Variants in DOCK7 observed in about 807,000 individuals in gnomAD.
DOCK7 encodes dedicator of cytokinesis protein 7.
In DOCK7, 138 loss-of-function variants were observed where a neutral mutation model predicts 271.0. That is an observed-to-expected ratio of 0.51 (90% CI 0.44 to 0.59). The LOEUF is 0.59. Ranked by LOEUF, DOCK7 falls within the 20% of genes least tolerant of loss-of-function variation. DOCK7 has a pLI of 0.00. For synonymous variants in DOCK7, 823 were observed against 876.1 expected (o/e 0.94, Z 1.07); for missense variants, 2,066 against 2,592.4 (o/e 0.80, Z 4.41).
At chr1:62,584,688 G>T in intron 15 of DOCK7, 1 of 1,304,978 alleles carries the variant, frequency 7.7e-7, no homozygotes, top group Non-Finnish European at 1.0e-6. Context: ...CCAAAAATGT[G>T]ACAGGAGTCA....
chr1:62,572,434 G>A (rs575205114), intron 18 of DOCK7, among the ~76,000 whole-genome samples: 2 of 152,240 alleles, frequency 1.3e-5, no homozygotes, highest in South Asian at 2.1e-4. Context: ...TCATTTTACA[G>A]ATGAAAAAAC....
chr1:62,668,326 A>G (rs536139794), intron 1 of DOCK7, among the ~76,000 whole-genome samples: 1 of 152,336 alleles, frequency 6.6e-6, no homozygotes, highest in Non-Finnish European at 1.5e-5. Context: ...AAAAGACTTA[A>G]GACTAAAAGG....
intron 20 of DOCK7, among the ~76,000 whole-genome samples, chr1:62,557,568 A>C (rs559222634): frequency 6.8e-5 from 10 of 146,960 alleles, no homozygotes; most frequent in Middle Eastern, 3.4e-3. Flanking sequence ...CTTCACTTAG[A>C]CTAAAATTAC....
intron 12 of DOCK7, among the ~76,000 whole-genome samples, chr1:62,623,134 A>T (rs1004940348): frequency 3.9e-5 from 6 of 152,196 alleles, no homozygotes; most frequent in African/African-American, 1.4e-4. Context: ...GTAGACAGTA[A>T]TCGCTCATAA....
intron 2 of DOCK7, among the ~76,000 whole-genome samples, chr1:62,659,187 C>G (rs373830849): frequency 6.6e-6 from 1 of 152,150 alleles, no homozygotes; most frequent in African/African-American, 2.4e-5. Flanking sequence ...AATAGACTTT[C>G]CTTTTCCTCT....
At position 62,648,257 on chromosome 1, in the gene DOCK7, C is replaced by T; in HGVS notation, c.581G>A (p.Ser194Asn). The T allele has an allele frequency of 6.2e-7, 1 of 1,613,612 alleles. No homozygotes were observed. The highest frequency in any genetic ancestry group is 8.5e-7 in the Non-Finnish European group (1 of 1,179,696). The change falls in exon 6 of 50, where the codon AGT (serine) becomes AAT (asparagine). Residue 194 changes from serine to asparagine, a missense_variant. Physicochemically the swap from Ser to Asn is conservative, Grantham distance 46. This residue lies in a region of DOCK7 where 1,414 missense variants were observed against 1,670.4 expected (regional missense o/e 0.85). Coordinates refer to ENST00000635253, the MANE Select transcript of DOCK7 (RefSeq NM_001367561.1). The stretch of plus-strand genomic sequence containing the variant: ...AAGTGAATTTTTCAAGTCAAAGATA[C>T]TACAGGCCCAGCTACCCCTTGGGGT... ...DDTPRGSWACSIFDLKNSLPD... is the reference protein window; with the variant it reads ...DDTPRGSWACNIFDLKNSLPD...
At chr1:62,475,092 A>G (rs1358802185) in intron 47 of DOCK7, 116 bp downstream of exon 47, 1 of 1,169,040 alleles carries the variant, frequency 8.6e-7, no homozygotes, top group Admixed American at 3.3e-5. Flanking sequence ...GTAGAAAAAT[A>G]CAGGCAGTAG....
At chr1:62,648,000 G>A in intron 6 of DOCK7, 106 bp downstream of exon 6, 1 of 1,049,008 alleles carries the variant, frequency 9.5e-7, no homozygotes, top group African/African-American at 1.6e-5. Context: ...AATTACAGCT[G>A]TTTCAGTTGC....
intron 18 of DOCK7, among the ~76,000 whole-genome samples, chr1:62,565,008 G>A (rs912027218): frequency 7.9e-5 from 12 of 152,076 alleles, no homozygotes; most frequent in Non-Finnish European, 1.2e-4. Flanking sequence ...GGAAGAAGTC[G>A]AATCCCTGAA....
chr1:62,661,702 T>C (rs1022830453), intron 2 of DOCK7, among the ~76,000 whole-genome samples: 11 of 152,136 alleles, frequency 7.2e-5, no homozygotes, highest in Non-Finnish European at 1.3e-4. Flanking sequence ...GGAAGGACAA[T>C]TGGAGTCAGG....
Position 62,625,305 on chromosome 1 carries a change from G to A in DOCK7, c.1379C>T (p.Thr460Met), listed in dbSNP as rs374152490. The change falls in exon 12 of 50, where the codon ACG (threonine) becomes ATG (methionine). Residue 460 changes from threonine to methionine, a missense_variant. By Grantham distance (81) the Thr-to-Met change is moderately conservative. Around this residue, in one of 2 missense-constraint regions of DOCK7, gnomAD observed 1,414 missense variants for 1,670.4 expected, o/e 0.85. Coordinates refer to ENST00000635253, the MANE Select transcript of DOCK7 (RefSeq NM_001367561.1). ...TGTGAGAGTAGCTGGTCGAAAGCTC[G>A]TCAAGTTACAAGCATCATCTCCACT... ...TTSGDDACNL[T>M]SFRPATLTVT... 44 of 1,613,782 alleles carry A rather than the reference G, an allele frequency of 2.7e-5. No individual in the cohort carries two copies. The highest frequency in any genetic ancestry group is 1.8e-4 in the Admixed American group (11 of 59,986).
chr1:62,540,772 C>A (rs1300329884), intron 25 of DOCK7, among the ~76,000 whole-genome samples: 1 of 152,054 alleles, frequency 6.6e-6, no homozygotes, highest in Non-Finnish European at 1.5e-5. Flanking sequence ...AGAGCACAGC[C>A]AAGTTTTAAA....
At chr1:62,497,773 T>G (rs879365478) in intron 37 of DOCK7, among the ~76,000 whole-genome samples, 2 of 152,200 alleles carry the variant, frequency 1.3e-5, no homozygotes, top group Non-Finnish European at 2.9e-5. Flanking sequence ...GTTCCTCCTC[T>G]CCTTAAAATG....
intron 43 of DOCK7, chr1:62,478,080 C>A: frequency 2.8e-6 from 1 of 354,784 alleles, no homozygotes; most frequent in Non-Finnish European, 5.0e-6. Flanking sequence ...GGAGTTTGTA[C>A]GAAGTGCCTC....
At chr1:62,531,221 T>C (rs1056507769) in intron 29 of DOCK7, among the ~76,000 whole-genome samples, 2 of 152,204 alleles carry the variant, frequency 1.3e-5, no homozygotes, top group Non-Finnish European at 2.9e-5. Flanking sequence ...CACTAATGTT[T>C]GCCAAAGGTA....
intron 16 of DOCK7, among the ~76,000 whole-genome samples, chr1:62,581,451 T>C (rs960055121): frequency 6.6e-6 from 1 of 151,870 alleles, no homozygotes; most frequent in Admixed American, 6.6e-5. Flanking sequence ...AGACATAGGG[T>C]CAGGACAAGA....
At chr1:62,587,188 G>T (rs1332570131) in intron 14 of DOCK7, among the ~76,000 whole-genome samples, 2 of 149,822 alleles carry the variant, frequency 1.3e-5, no homozygotes, top group Non-Finnish European at 3.0e-5. Context: ...ATCCTAATTT[G>T]CATTTATTTG....
chr1:62,542,463 G>GT lies in DOCK7; in HGVS notation c.3045+144dup, dbSNP rs556594879. ...GTGTCCACAGTGTTTATTTAGAGAT[G>GT]TAACACATGTAATTTTGTCTTAGAG... On this transcript the variant is annotated intron_variant, in intron 25 of 49. Coordinates refer to ENST00000635253, the MANE Select transcript of DOCK7 (RefSeq NM_001367561.1). 5.8e-4 allele frequency: 385 copies of GT among 663,568 alleles called. 5 individuals carry two copies. The East Asian group carries it at 0.01, about 18-fold the overall frequency. 41.1% of individuals were successfully genotyped at this position (663,568 alleles called of 1,614,324 possible).
intron 21 of DOCK7, 130 bp from the exon 22 acceptor site, chr1:62,553,031 A>ATT (rs1645963476): frequency 2.5e-6 from 1 of 401,784 alleles, no homozygotes; most frequent in South Asian, 1.4e-4. Flanking sequence ...TAAAAAATAT[A>ATT]CTTTTTTTTT....
Sources: allele counts gnomAD v4.1 joint callset (sites outside exome capture counted in the v4.1 genomes callset), GRCh38; gene constraint gnomAD v4.1.1; regional missense constraint gnomAD v4.1.1; transcripts MANE v1.5; gene names NCBI Gene and HGNC (gene_info 2026-07-23, HGNC 2026-07-21).